Variants in KAZN observed in about 807,000 individuals in gnomAD.
KAZN encodes kazrin, periplakin interacting protein.
Under a neutral mutation model 87.4 loss-of-function variants are expected in KAZN, and 40 were observed. That is an observed-to-expected ratio of 0.46 (90% CI 0.36 to 0.60). KAZN has a LOEUF of 0.60. KAZN is among the 20% of genes least tolerant of loss of function. The pLI, the probability that KAZN is intolerant of heterozygous loss-of-function variation, is 0.00. For missense variants in KAZN, 898 were observed against 1,073.9 expected (o/e 0.84, Z 2.29); for synonymous variants, 466 against 458.3 (o/e 1.02, Z -0.22).
chr1:14,831,062 G>A (rs1647035268), intron 1 of KAZN, among the ~76,000 whole-genome samples: 1 of 152,208 alleles, frequency 6.6e-6, no homozygotes, highest in Non-Finnish European at 1.5e-5. Context: ...GTTTCACCAT[G>A]TTGGCCAGGC....
chr1:14,657,152 G>A (rs1202533232), intron 1 of KAZN, among the ~76,000 whole-genome samples: 9 of 144,306 alleles, frequency 6.2e-5, no homozygotes, highest in African/African-American at 1.5e-4. Context: ...GTGCAATCTC[G>A]GCTCACTGCA....
intron 1 of KAZN, among the ~76,000 whole-genome samples, chr1:13,896,121 C>T (rs141491078): frequency 2.0e-4 from 30 of 151,646 alleles, no homozygotes; most frequent in African/African-American, 7.3e-4. Flanking sequence ...CCTCCTGCTA[C>T]CTATGCTGGT....
At position 13,979,700 on chromosome 1, in the gene KAZN, G is replaced by A. The variant is rs181809743; in HGVS notation, c.91+85944G>A. Among the ~76,000 whole-genome samples, 514 of 152,218 alleles carry A rather than the reference G, an allele frequency of 3.4e-3. 4 individuals are homozygous for A. The highest frequency in any genetic ancestry group is 0.011 in the African/African-American group (472 of 41,552). ...TCCCAGTACTTTGGGAGGCCGAGGC[G>A]GGCGGATCACAAGGTCAGGAGATCG... On this transcript the variant is annotated intron_variant, in intron 1 of 16. Coordinates refer to the KAZN transcript ENST00000636203.
intron 1 of KAZN, among the ~76,000 whole-genome samples, chr1:14,604,718 G>T (rs1677229112): frequency 6.6e-6 from 1 of 152,164 alleles, no homozygotes; most frequent in South Asian, 2.1e-4. Context: ...GGGCTTTGTT[G>T]GCTGGGTCAT....
In KAZN at chr1:15,056,381, A is replaced by C; in HGVS notation, c.916+101A>C. 8.1e-7 allele frequency: 1 copy of C among 1,229,038 alleles called. No individual in the cohort carries two copies. The highest frequency in any genetic ancestry group is 1.1e-6 in the Non-Finnish European group (1 of 897,402). The allele number at this position is 1,229,038 out of a possible 1,614,324, so 76.1% of individuals were successfully genotyped here. A position where few individuals can be genotyped will look rare whatever the true frequency, so the allele number is the denominator to read the frequency against. ...GCAGCTGCTTTGTTCGTACTACAGC[A>C]GCTTGGGGGCGTGGGACAGAGACCT... On this transcript the variant is annotated intron_variant, in intron 5 of 14. Coordinates refer to ENST00000376030, the MANE Select transcript of KAZN (RefSeq NM_201628.3). This position sits in a 1 kb window ranked among gnomAD's most constrained non-coding sequence, Gnocchi z 5.4.
intron 1 of KAZN, among the ~76,000 whole-genome samples, chr1:14,767,264 G>A (rs915253026): frequency 6.6e-6 from 1 of 152,150 alleles, no homozygotes; most frequent in East Asian, 1.9e-4. Flanking sequence ...GCCCACAGTT[G>A]AAAATTCCCA....
chr1:14,377,306 C>T (rs1489419951), intron 2 of KAZN, among the ~76,000 whole-genome samples: 1 of 152,156 alleles, frequency 6.6e-6, no homozygotes, highest in Admixed American at 6.5e-5. Context: ...CCAGAGATGA[C>T]AAATGTGAAG....
At chr1:13,929,400 C>T (rs1204509043) in intron 1 of KAZN, among the ~76,000 whole-genome samples, 1 of 152,178 alleles carries the variant, frequency 6.6e-6, no homozygotes, top group African/African-American at 2.4e-5. Flanking sequence ...TCTTCATCTT[C>T]ATGACTGCAT....
At chr1:14,212,986 A>T in intron 2 of KAZN, among the ~76,000 whole-genome samples, 1 of 152,250 alleles carries the variant, frequency 6.6e-6, no homozygotes, top group East Asian at 1.9e-4. Flanking sequence ...AATGAATTCA[A>T]AATGACATCT....
At chr1:14,736,465 ATT>A (rs756285598) in intron 1 of KAZN, among the ~76,000 whole-genome samples, 33,480 of 107,300 alleles carry the variant, frequency 0.31, 4,919 homozygotes, top group Middle Eastern at 0.41. Context: ...CACCCAGCTA[ATT>A]TTTTTTTTTT....
Position 14,773,910 on chromosome 1 carries a change from C to T in KAZN, c.226+174687C>T, listed in dbSNP as rs1645095216. Among the ~76,000 whole-genome samples, 1 of 152,234 alleles carries T rather than the reference C, an allele frequency of 6.6e-6. No homozygotes were observed. Among genetic ancestry groups the T allele is most frequent in the Non-Finnish European group, 1.5e-5 (1 of 68,048 alleles). ...GCTTGAAGGAAACAGGCAGGGAAGACCTGTCAACACTAATTAGAAAAAAGT... is the reference window on the plus strand; with the variant it reads ...GCTTGAAGGAAACAGGCAGGGAAGATCTGTCAACACTAATTAGAAAAAAGT... On this transcript the variant is annotated intron_variant, in intron 1 of 14. Coordinates refer to ENST00000376030, the MANE Select transcript of KAZN (RefSeq NM_201628.3). The surrounding 1 kb of genome is among the most constrained non-coding windows in gnomAD (Gnocchi z 5.9).
At chr1:14,258,274 G>T (rs574176512) in intron 2 of KAZN, among the ~76,000 whole-genome samples, 3 of 147,048 alleles carry the variant, frequency 2.0e-5, no homozygotes, top group Non-Finnish European at 4.5e-5. Context: ...GGAGTGCAGT[G>T]GTGCAATCTT....
chr1:14,883,336 GAGAGAGAA>G (rs1653573751), intron 1 of KAZN, among the ~76,000 whole-genome samples: 1 of 31,470 alleles, frequency 3.2e-5, no homozygotes, highest in Non-Finnish European at 6.9e-5. Context: ...GAGAGAGAGA[GAGAGAGAA>G]AGAAAGAAAG....
chr1:14,506,675 A>G (rs1054747001), intron 2 of KAZN, among the ~76,000 whole-genome samples: 2 of 152,232 alleles, frequency 1.3e-5, no homozygotes, highest in Admixed American at 6.5e-5. Flanking sequence ...CTGACACATC[A>G]TAAGTGCCCG....
intron 1 of KAZN, among the ~76,000 whole-genome samples, chr1:14,817,567 G>T (rs1462809045): frequency 2.0e-5 from 3 of 152,206 alleles, no homozygotes; most frequent in Admixed American, 2.0e-4. Context: ...TTGGCACATA[G>T]TAGGTGCTCA....
intron 1 of KAZN, among the ~76,000 whole-genome samples, chr1:14,048,535 C>G (rs1642175888): frequency 1.3e-5 from 2 of 151,992 alleles, no homozygotes; most frequent in Non-Finnish European, 2.9e-5. Flanking sequence ...TCCTGAGTAG[C>G]TGGGATTACA....
At chr1:14,837,940 G>A (rs1453963536) in intron 1 of KAZN, among the ~76,000 whole-genome samples, 1 of 152,134 alleles carries the variant, frequency 6.6e-6, no homozygotes, top group Non-Finnish European at 1.5e-5. Context: ...GTGGTGGAGG[G>A]TAATCATAAA....
intron 2 of KAZN, among the ~76,000 whole-genome samples, chr1:14,465,389 ACT>A (rs1353322118): frequency 2.0e-5 from 2 of 98,956 alleles, no homozygotes; most frequent in Admixed American, 2.8e-4. Flanking sequence ...ACAGAGCGAG[ACT>A]CTGTCTCAAA....
chr1:14,727,327 A>G (rs1643430022), intron 1 of KAZN, among the ~76,000 whole-genome samples: 1 of 152,020 alleles, frequency 6.6e-6, no homozygotes, highest in Non-Finnish European at 1.5e-5. Context: ...GAATTAGTTC[A>G]GCGGTCCCCA....
Sources: gnomAD v4.1 joint callset for allele counts (sites outside exome capture counted in the v4.1 genomes callset) on GRCh38, gnomAD v4.1.1 for gene constraint, Gnocchi (gnomAD v3.1) non-coding constraint, MANE v1.5 for transcripts, NCBI Gene and HGNC (gene_info 2026-07-23, HGNC 2026-07-21) for gene names.